Variants in DPP6 observed in about 807,000 individuals in gnomAD.
The protein encoded by DPP6 is dipeptidyl peptidase like 6, also known as A-type potassium channel modulatory protein DPP6.
DPP6 carries 69 observed loss-of-function variants against 122.6 expected under a neutral mutation model. The observed-to-expected ratio is 0.56, with a 90% CI of 0.46 to 0.69. DPP6 has a LOEUF of 0.69. Among genes scored for constraint, DPP6 ranks in the 30% least tolerant of loss-of-function variants. The pLI is 0.00. For missense variants in DPP6, 928 were observed against 1,116.9 expected (o/e 0.83, Z 2.41); for synonymous variants, 418 against 433.1 (o/e 0.97, Z 0.43).
intron 7 of DPP6, among the ~76,000 whole-genome samples, chr7:154,726,311 C>T (rs1586964923): frequency 6.6e-6 from 1 of 152,218 alleles, no homozygotes; most frequent in East Asian, 1.9e-4. Context: ...CTTCACCCCA[C>T]AACAGACTTC....
At chr7:154,216,700 C>G (rs1253920711) in intron 1 of DPP6, among the ~76,000 whole-genome samples, 2 of 152,118 alleles carry the variant, frequency 1.3e-5, no homozygotes, top group Non-Finnish European at 2.9e-5. Context: ...GGCACTGAGT[C>G]CCAGGAGGAA....
At chr7:154,580,736 G>A (rs1180038333) in intron 5 of DPP6, among the ~76,000 whole-genome samples, 1 of 152,188 alleles carries the variant, frequency 6.6e-6, no homozygotes, top group Non-Finnish European at 1.5e-5. Flanking sequence ...AAGGAGAGGA[G>A]GATCCGGGGT....
the DPP6 span, among the ~76,000 whole-genome samples, chr7:153,835,376 T>C: frequency 2.0e-5 from 3 of 152,062 alleles, no homozygotes; most frequent in South Asian, 2.1e-4. Context: ...ATTATACCAC[T>C]GGCGGTTTTA....
chr7:154,393,025 A>G (rs1814757422), intron 1 of DPP6, among the ~76,000 whole-genome samples: 2 of 152,224 alleles, frequency 1.3e-5, no homozygotes, highest in Admixed American at 1.3e-4. Context: ...CTGGAATTAG[A>G]CTGGCTTGAT....
intron 1 of DPP6, among the ~76,000 whole-genome samples, chr7:154,061,663 C>G (rs1292736325): frequency 7.0e-6 from 1 of 142,558 alleles, no homozygotes; most frequent in African/African-American, 2.6e-5. Flanking sequence ...GAGCCAACCC[C>G]TCTTCCCCCC....
rs564259325 is a variant in DPP6, at chr7:154,408,784, A to T, written c.244-37430A>T. Among the ~76,000 whole-genome samples the T allele has an allele frequency of 6.1e-5, 9 of 146,860 alleles. No individual in the cohort carries two copies. In the East Asian group the frequency reaches 1.2e-3, roughly 19 times the overall value. On this transcript the variant is annotated intron_variant, in intron 1 of 25. Transcript: ENST00000377770. ...TCTTCCCCTGTTTTTTTTTTTTCTGACCTTGAATCATTTATTTATATCAAC... is the reference window on the plus strand; with the variant it reads ...TCTTCCCCTGTTTTTTTTTTTTCTGTCCTTGAATCATTTATTTATATCAAC...
At chr7:154,423,473 C>T (rs1297792395) in intron 1 of DPP6, among the ~76,000 whole-genome samples, 1 of 152,126 alleles carries the variant, frequency 6.6e-6, no homozygotes, top group East Asian at 1.9e-4. Flanking sequence ...GGTTGGGGGA[C>T]AGCCAGGGCC....
At chr7:154,247,125 C>A (rs775483797) in intron 1 of DPP6, among the ~76,000 whole-genome samples, 1 of 152,094 alleles carries the variant, frequency 6.6e-6, no homozygotes, top group Non-Finnish European at 1.5e-5. Context: ...CCAGCCTGGC[C>A]AACATGGTGA....
chr7:154,239,941 AAGATCGTGCC>A (rs1469043440), intron 1 of DPP6, among the ~76,000 whole-genome samples: 1 of 136,556 alleles, frequency 7.3e-6, no homozygotes, highest in Non-Finnish European at 1.6e-5. Flanking sequence ...GCAGTAAGCC[AAGATCGTGCC>A]ACTGCACTCC....
intron 1 of DPP6, among the ~76,000 whole-genome samples, chr7:153,982,951 G>T (rs544802250): frequency 6.6e-6 from 1 of 152,332 alleles, no homozygotes; most frequent in East Asian, 1.9e-4. Context: ...CCAGATGCCA[G>T]TCAGAGCTCT....
the DPP6 span, among the ~76,000 whole-genome samples, chr7:153,834,857 C>T: frequency 5.3e-5 from 8 of 152,130 alleles, no homozygotes; most frequent in East Asian, 3.9e-4. Flanking sequence ...AATGATTATT[C>T]GGGTAAATAT....
chr7:154,786,157 G>A (rs1319768599), intron 10 of DPP6, among the ~76,000 whole-genome samples: 1 of 152,178 alleles, frequency 6.6e-6, no homozygotes, highest in African/African-American at 2.4e-5. Context: ...GATTTACTAA[G>A]AAAGGAGTGC....
intron 1 of DPP6, among the ~76,000 whole-genome samples, chr7:154,425,560 A>G (rs1243512725): frequency 2.0e-5 from 3 of 150,568 alleles, no homozygotes; most frequent in African/African-American, 7.3e-5. Context: ...CCTCAGGGGA[A>G]TGGAATTTCT....
intron 8 of DPP6, among the ~76,000 whole-genome samples, chr7:154,761,534 G>C (rs1170047079): frequency 1.3e-5 from 2 of 152,090 alleles, no homozygotes; most frequent in African/African-American, 4.8e-5. Context: ...GGTTTAATTG[G>C]CTCCCAGTTC....
intron 1 of DPP6, among the ~76,000 whole-genome samples, chr7:154,409,725 C>T (rs556304061): frequency 2.0e-4 from 31 of 152,214 alleles, no homozygotes; most frequent in Non-Finnish European, 3.8e-4. Context: ...GTTATTTCTC[C>T]AAAGAGTGAG....
intron 1 of DPP6, among the ~76,000 whole-genome samples, chr7:154,022,312 A>C (rs146930090): frequency 0.03 from 4,492 of 152,166 alleles, 17 homozygotes; most frequent in African/African-American, 0.073. Flanking sequence ...GACCATGGCA[A>C]GTGAGACATT....
At position 154,435,290 on chromosome 7, in the gene DPP6, G is replaced by A. The variant is rs924941201; in HGVS notation, c.244-10924G>A. ...GAGAAAGAAAGAGGGAGGAATGGGAGGGGGTACTGAGAGATCACACCAAAT... is the reference window on the plus strand; with the variant it reads ...GAGAAAGAAAGAGGGAGGAATGGGAAGGGGTACTGAGAGATCACACCAAAT... On this transcript the variant is annotated intron_variant, in intron 1 of 25. Coordinates refer to ENST00000377770, the MANE Select transcript of DPP6 (RefSeq NM_130797.4). Among the ~76,000 whole-genome samples, 4 of 152,074 alleles carry A rather than the reference G, an allele frequency of 2.6e-5. No homozygotes were observed. The East Asian group carries it at 5.8e-4, about 22-fold the overall frequency.
intron 5 of DPP6, among the ~76,000 whole-genome samples, chr7:154,576,423 C>G (rs1831676770): frequency 6.6e-6 from 1 of 152,128 alleles, no homozygotes; most frequent in African/African-American, 2.4e-5. Context: ...CTCATGGTGC[C>G]TTCTCCCCCT....
chr7:153,839,779 C>T, the DPP6 span, among the ~76,000 whole-genome samples: 1 of 152,190 alleles, frequency 6.6e-6, no homozygotes, highest in African/African-American at 2.4e-5. Flanking sequence ...CACTGGAAAA[C>T]AGCTTGCTGG....
Sources: allele counts gnomAD v4.1 joint callset (sites outside exome capture counted in the v4.1 genomes callset), GRCh38; gene constraint gnomAD v4.1.1; transcripts MANE v1.5; gene names NCBI Gene and HGNC (gene_info 2026-07-23, HGNC 2026-07-21).